INPP1: variants seen among roughly 807,000 people sequenced by gnomAD.
The protein encoded by INPP1 is inositol polyphosphate-1-phosphatase.
Under a neutral mutation model 23.0 loss-of-function variants are expected in INPP1, and 18 were observed. The observed-to-expected ratio is 0.78, with a 90% CI of 0.54 to 1.16. INPP1 has a LOEUF of 1.16. Ranked by LOEUF, INPP1 falls within the 50% of genes most tolerant of loss-of-function variation. INPP1 has a pLI of 0.00. For missense variants in INPP1, 448 were observed against 482.1 expected, an observed-to-expected ratio of 0.93 and a Z score of 0.66; for synonymous variants, 164 against 176.3, an observed-to-expected ratio of 0.93 and a Z score of 0.55.
chr2:190,364,606 T>TTTG lies in INPP1; in HGVS notation c.265+1919_265+1920insTTG, dbSNP rs796196740. On this transcript the variant is annotated intron_variant, in intron 4 of 6. Transcript: ENST00000392329. ...GAGGTTCTGATTTTTTTTTTTTTTT[T>TTTG]GTTAGATGGAGTCTCCCTCTGTTGC... 5.2e-4 allele frequency among the ~76,000 whole-genome samples: 50 copies of TTTG among 96,348 alleles called. 3 individuals are homozygous for TTTG. The East Asian group carries it at 0.011, about 21-fold the overall frequency. 63.2% of individuals were successfully genotyped at this position (96,348 alleles called of 152,430 possible).
At position 190,345,845 on chromosome 2, in the gene INPP1, T is replaced by C. The variant is rs1459915839; in HGVS notation, c.-209+1884T>C. 6.6e-6 allele frequency among the ~76,000 whole-genome samples: 1 copy of C among 152,018 alleles called. No homozygotes were observed. Among genetic ancestry groups the C allele is most frequent in the Non-Finnish European group, 1.5e-5 (1 of 68,000 alleles). On this transcript the variant is annotated intron_variant, in intron 1 of 6. Coordinates refer to ENST00000392329, the MANE Select transcript of INPP1 (RefSeq NM_001128928.2). This position sits in a 1 kb window ranked among gnomAD's most constrained non-coding sequence, Gnocchi z 4.9. ...CCCGTCTCTAGTAAAAATACAAAAA[T>C]TAGCCAGGCGTGGTAGCAAGCACCT... is the stretch of plus-strand genomic sequence containing the variant.
At chr2:190,344,804 T>C (rs901250694) in intron 1 of INPP1, among the ~76,000 whole-genome samples, 2 of 152,246 alleles carry the variant, frequency 1.3e-5, no homozygotes, top group Non-Finnish European at 2.9e-5. Context: ...CACTGTATGA[T>C]GGTGTTCACT....
chr2:190,357,590 G>T (rs1453156294), intron 2 of INPP1, among the ~76,000 whole-genome samples: 3 of 152,050 alleles, frequency 2.0e-5, no homozygotes, highest in Admixed American at 6.6e-5. Context: ...ATAGTATTTT[G>T]TTTTACCAAT....
intron 2 of INPP1, among the ~76,000 whole-genome samples, chr2:190,358,203 C>T (rs1477447113): frequency 1.3e-5 from 2 of 151,620 alleles, no homozygotes; most frequent in African/African-American, 4.8e-5. Flanking sequence ...CTCAGTCTCC[C>T]GAGTAGCTGA....
Position 190,362,790 on chromosome 2 carries a change from A to G in INPP1, c.265+103A>G, listed in dbSNP as rs556052368. The G allele has an allele frequency of 1.4e-3, 905 of 658,672 alleles. 18 individuals carry two copies. The South Asian group carries it at 0.023, about 16-fold the overall frequency. The allele number at this position is 658,672 out of a possible 1,614,324, so 40.8% of individuals were successfully genotyped here. A position where few individuals can be genotyped will look rare whatever the true frequency, so the allele number is the denominator to read the frequency against. On this transcript the variant is annotated intron_variant, in intron 4 of 6. Coordinates refer to ENST00000392329, the MANE Select transcript of INPP1 (RefSeq NM_001128928.2). ...TAAATGTTTGGAAGCCACTTACTGT[A>G]AACAACATAATATATTTGAATGTTA... is the stretch of plus-strand genomic sequence containing the variant.
At chr2:190,359,556 C>CAAAAAAAAA (rs756661265) in intron 2 of INPP1, 2 of 61,306 alleles carry the variant, frequency 3.3e-5, no homozygotes, top group African/African-American at 1.7e-4. Flanking sequence ...GACTCCGTCT[C>CAAAAAAAAA]AAAAAAAAAA....
chr2:190,357,553 C>A (rs1689441708), intron 2 of INPP1, among the ~76,000 whole-genome samples: 1 of 152,092 alleles, frequency 6.6e-6, no homozygotes, highest in African/African-American at 2.4e-5. Flanking sequence ...ATTAAATATT[C>A]TTCAAAAACA....
intron 4 of INPP1, among the ~76,000 whole-genome samples, chr2:190,365,940 ACTGT>A (rs1447663535): frequency 2.6e-4 from 15 of 58,268 alleles, no homozygotes; most frequent in Admixed American, 1.1e-3. Flanking sequence ...TCTCTCGCTC[ACTGT>A]CTGTCTCACT....
rs10205910 is a variant in INPP1, at chr2:190,348,143, C to T, written c.-208-745C>T. Among the ~76,000 whole-genome samples, 887 of 151,976 alleles carry T rather than the reference C, an allele frequency of 5.8e-3. 11 individuals are homozygous for T. The highest frequency in any genetic ancestry group is 0.021 in the African/African-American group (853 of 41,454). ...ACAGAGCGAGACTCTGTCTCAAAAA[C>T]AAAACAAAACAAAACAAAACAAAAC... On this transcript the variant is annotated intron_variant, in intron 1 of 6. Coordinates refer to ENST00000392329, the MANE Select transcript of INPP1 (RefSeq NM_001128928.2).
intron 4 of INPP1, among the ~76,000 whole-genome samples, chr2:190,366,227 T>C (rs1281148831): frequency 2.3e-4 from 31 of 135,646 alleles, no homozygotes; most frequent in African/African-American, 8.8e-4. Context: ...GTCTCTCTCT[T>C]GCTTGCTCTC....
rs989248733 is a variant in INPP1 at position 190,356,079 on chromosome 2, G to A, written c.-64-3960G>A. On this transcript the variant is annotated intron_variant, in intron 2 of 6. Coordinates refer to ENST00000392329, the MANE Select transcript of INPP1 (RefSeq NM_001128928.2). This position sits in a 1 kb window ranked among gnomAD's most constrained non-coding sequence, Gnocchi z 6.4. The stretch of plus-strand genomic sequence containing the variant: ...AATTATTTCAAGTTGAGCCATTCAA[G>A]GTTAGGATGAATTGTGCAATGCTTC... 6.6e-6 allele frequency among the ~76,000 whole-genome samples: 1 copy of A among 152,216 alleles called. No individual in the cohort carries two copies.
Position 190,362,661 on chromosome 2 carries a change from A to G in INPP1, c.239A>G (p.Glu80Gly), listed in dbSNP as rs1490210063. 6.2e-6 allele frequency: 10 copies of G among 1,607,016 alleles called. No individual in the cohort carries two copies. Among genetic ancestry groups the G allele is most frequent in the Non-Finnish European group, 7.7e-6 (9 of 1,175,438 alleles). ...TTGGAAAAAAATATTTTTGGAGAAG[A>G]ATCCAATGAGTTTACTAATGACTGG... ...PGLEKNIFGE[E>G]SNEFTNDWGE... The change falls in exon 4 of 7, where the codon GAA becomes GGA. Residue 80 changes from glutamate to glycine, a missense_variant. By Grantham distance (98) the Glu-to-Gly change is moderately conservative (BLOSUM62 -2). Coordinates refer to ENST00000392329, the MANE Select transcript of INPP1 (RefSeq NM_001128928.2).
chr2:190,366,975 A>C, intron 5 of INPP1, 80 bp downstream of exon 5: 1 of 875,584 alleles, frequency 1.1e-6, no homozygotes, highest in Non-Finnish European at 1.8e-6. Context: ...TTGGAAAAAT[A>C]AAAATTATTG....
At position 190,354,328 on chromosome 2, in the gene INPP1, A is replaced by G. The variant is rs1689377414; in HGVS notation, c.-65+5297A>G. 6.6e-6 allele frequency among the ~76,000 whole-genome samples: 1 copy of G among 152,362 alleles called. No individual in the cohort carries two copies. Among genetic ancestry groups the G allele is most frequent in the South Asian group, 2.1e-4 (1 of 4,832 alleles). On this transcript the variant is annotated intron_variant, in intron 2 of 6. Transcript: ENST00000392329. This position sits in a 1 kb window ranked among gnomAD's most constrained non-coding sequence, Gnocchi z 4.8. ...GTGTCAGCTAATAGATTGGGTCGCT[A>G]AGGTAACCACGGCCTGTCTTTCAGG...
In INPP1 at chr2:190,371,641, C is replaced by A; in HGVS notation, c.*239C>A. ...ATTGTGCTGTTAGTGCTGCTTGAAA[C>A]ATTTCAATAAAATATTGACCAGGAG... On this transcript the variant is annotated 3_prime_UTR_variant, in exon 7 of 7. Transcript: ENST00000392329. The surrounding 1 kb of genome is among the most constrained non-coding windows in gnomAD (Gnocchi z 5.3). 2.7e-6 allele frequency: 1 copy of A among 370,102 alleles called. No individual in the cohort carries two copies. Among genetic ancestry groups the A allele is most frequent in the Non-Finnish European group, 4.8e-6 (1 of 208,480 alleles). The allele number at this position is 370,102 out of a possible 1,614,324, so 22.9% of individuals were successfully genotyped here.
Position 190,371,341 on chromosome 2 carries a change from G to C in INPP1, c.1139G>C (p.Arg380Pro). 1 of 1,563,222 alleles carries C rather than the reference G, an allele frequency of 6.4e-7. No homozygotes were observed. The highest frequency in any genetic ancestry group is 8.7e-7 in the Non-Finnish European group (1 of 1,154,580). The stretch of plus-strand genomic sequence containing the variant: ...CTCATTGCATACAGATCCAGGAAGC[G>C]GCTGGAGACATTCCTGAGCCTCCTG... ...GGLIAYRSRK[R>P]LETFLSLLVQ... The change falls in exon 7 of 7, where the codon CGG becomes CCG. Residue 380 changes from arginine to proline, a missense_variant. Physicochemically the swap from Arg to Pro is moderately radical, Grantham distance 103 (BLOSUM62 -2). Coordinates refer to ENST00000392329, the MANE Select transcript of INPP1 (RefSeq NM_001128928.2). The surrounding 1 kb of genome is among the most constrained non-coding windows in gnomAD (Gnocchi z 5.3).
At chr2:190,359,256 C>A (rs1205371652) in intron 2 of INPP1, among the ~76,000 whole-genome samples, 1 of 152,104 alleles carries the variant, frequency 6.6e-6, no homozygotes, top group African/African-American at 2.4e-5. Context: ...GCTGTGTTCA[C>A]ACCACTGCAC....
intron 3 of INPP1, among the ~76,000 whole-genome samples, chr2:190,361,873 A>G (rs1689541600): frequency 6.6e-6 from 1 of 152,218 alleles, no homozygotes; most frequent in African/African-American, 2.4e-5. Context: ...ACCGAGTTCA[A>G]ATATTTGAAG....
chr2:190,360,014 CT>C, intron 2 of INPP1, 24 bp from the exon 3 acceptor site: 1 of 1,366,474 alleles, frequency 7.3e-7, no homozygotes, highest in East Asian at 2.4e-5. Context: ...ACTGCTTTCT[CT>C]TTCACATTCT....
Sources: allele counts gnomAD v4.1 joint callset (sites outside exome capture counted in the v4.1 genomes callset), GRCh38; gene constraint gnomAD v4.1.1; non-coding constraint Gnocchi (gnomAD v3.1); transcripts MANE v1.5; gene names NCBI Gene and HGNC (gene_info 2026-07-23, HGNC 2026-07-21).